Variants in PSD3 observed in about 807,000 individuals in gnomAD.
PSD3 encodes pleckstrin and Sec7 domain containing 3, also known as PH and SEC7 domain-containing protein 3.
PSD3 carries 49 observed loss-of-function variants against 105.5 expected under a neutral mutation model. That is an observed-to-expected ratio of 0.46 (90% CI 0.37 to 0.59). The LOEUF (loss-of-function observed/expected upper bound fraction) is 0.59. Ranked by LOEUF, PSD3 falls within the 20% of genes least tolerant of loss-of-function variation. The pLI, the probability that PSD3 is intolerant of heterozygous loss-of-function variation, is 0.00. For missense variants in PSD3, 1,561 were observed against 1,263.8 expected, an observed-to-expected ratio of 1.24 and a Z score of -3.57; for synonymous variants, 557 against 457.8, an observed-to-expected ratio of 1.22 and a Z score of -2.77.
At chr8:18,582,266 C>A (rs905106408) in intron 12 of PSD3, among the ~76,000 whole-genome samples, 1 of 152,210 alleles carries the variant, frequency 6.6e-6, no homozygotes, top group Admixed American at 6.5e-5. Flanking sequence ...ACGCTCACCA[C>A]TGCACTGAAA....
chr8:18,974,229 A>C, intron 1 of PSD3, among the ~76,000 whole-genome samples: 1 of 152,282 alleles, frequency 6.6e-6, no homozygotes, highest in East Asian at 1.9e-4. Context: ...ATAAAGAAAA[A>C]GGCTCAAAAA....
At chr8:18,683,220 A>C (rs1043718507) in intron 9 of PSD3, among the ~76,000 whole-genome samples, 1 of 152,220 alleles carries the variant, frequency 6.6e-6, no homozygotes, top group Non-Finnish European at 1.5e-5. Context: ...TGTGTAAGGA[A>C]CATGAAAGAA....
intron 8 of PSD3, among the ~76,000 whole-genome samples, chr8:18,784,569 T>C (rs1315986154): frequency 6.6e-6 from 1 of 152,212 alleles, no homozygotes; most frequent in East Asian, 1.9e-4. Context: ...CAGTTATACT[T>C]CTGACCAATC....
chr8:19,082,092 C>T (rs2129478385), intron 1 of PSD3, among the ~76,000 whole-genome samples: 1 of 152,332 alleles, frequency 6.6e-6, no homozygotes, highest in South Asian at 2.1e-4. Flanking sequence ...CTCACACACT[C>T]ATCTTTCAAG....
At chr8:18,633,288 T>G (rs750487398) in intron 10 of PSD3, among the ~76,000 whole-genome samples, 2 of 152,032 alleles carry the variant, frequency 1.3e-5, no homozygotes, top group Non-Finnish European at 2.9e-5. Flanking sequence ...CAATGGACAA[T>G]AGTAAACAAT....
intron 4 of PSD3, chr8:18,854,465 T>C (rs1036013700): frequency 1.3e-5 from 2 of 152,226 alleles, no homozygotes; most frequent in Admixed American, 1.3e-4. Flanking sequence ...GATGGCAAGC[T>C]GACAGCAGTC....
rs190831918 is a variant in PSD3 at position 18,672,999 on chromosome 8, T to A, written c.2173-17314A>T. Among the ~76,000 whole-genome samples the A allele has an allele frequency of 3.2e-3, 485 of 152,330 alleles. 3 individuals are homozygous for A. The highest frequency in any genetic ancestry group is 0.01 in the African/African-American group (424 of 41,574). On this transcript the variant is annotated intron_variant, in intron 9 of 15. Transcript: ENST00000327040. Reference sequence around the variant, plus strand: ...AAAAAAAATTTCTCAAGGCAATATATGTATATCATTTATATAATCAAAAAT... The same window carrying A: ...AAAAAAAATTTCTCAAGGCAATATAAGTATATCATTTATATAATCAAAAAT...
intron 1 of PSD3, among the ~76,000 whole-genome samples, chr8:18,974,916 A>T (rs1364966141): frequency 6.6e-6 from 1 of 152,204 alleles, no homozygotes; most frequent in East Asian, 1.9e-4. Context: ...GGAAAAAAAA[A>T]TACAAAATCT....
At chr8:18,633,464 T>G (rs987216824) in intron 10 of PSD3, among the ~76,000 whole-genome samples, 1 of 152,118 alleles carries the variant, frequency 6.6e-6, no homozygotes, top group African/African-American at 2.4e-5. Context: ...TTTATGTCCA[T>G]GTGTACCCAA....
chr8:19,063,550 A>G (rs1828972475), intron 1 of PSD3, among the ~76,000 whole-genome samples: 1 of 152,166 alleles, frequency 6.6e-6, no homozygotes, highest in African/African-American at 2.4e-5. Flanking sequence ...TGAGACAGGT[A>G]TTACCATCCC....
chr8:19,003,586 C>T (rs372898773), intron 1 of PSD3, among the ~76,000 whole-genome samples: 2 of 151,892 alleles, frequency 1.3e-5, no homozygotes, highest in African/African-American at 2.4e-5. Context: ...TGGGAGGCCT[C>T]CAGAGATTCA....
intron 1 of PSD3, among the ~76,000 whole-genome samples, chr8:18,992,738 C>G (rs1029162325): frequency 6.6e-6 from 1 of 152,106 alleles, no homozygotes; most frequent in African/African-American, 2.4e-5. Flanking sequence ...ACATTAGAAA[C>G]CATAATTTTT....
At chr8:18,791,791 C>T (rs1809742592) in intron 8 of PSD3, among the ~76,000 whole-genome samples, 1 of 152,114 alleles carries the variant, frequency 6.6e-6, no homozygotes, top group African/African-American at 2.4e-5. Context: ...CAACAGACAA[C>T]CTACAGAATG....
At chr8:18,771,736 G>A (rs916640716) in intron 8 of PSD3, among the ~76,000 whole-genome samples, 8 of 152,148 alleles carry the variant, frequency 5.3e-5, no homozygotes, top group African/African-American at 1.9e-4. Flanking sequence ...CTTGATTACT[G>A]AAGCTTTGCA....
chr8:18,977,325 G>C (rs760593775), intron 1 of PSD3, among the ~76,000 whole-genome samples: 5 of 150,808 alleles, frequency 3.3e-5, no homozygotes, highest in Non-Finnish European at 5.9e-5. Flanking sequence ...CCTACTAGCT[G>C]TATGGCTTTG....
At chr8:19,081,704 T>G (rs1829651476) in intron 1 of PSD3, among the ~76,000 whole-genome samples, 1 of 152,156 alleles carries the variant, frequency 6.6e-6, no homozygotes, top group African/African-American at 2.4e-5. Flanking sequence ...CTTATAATAC[T>G]TGGAAAGATG....
At chr8:18,818,234 C>T (rs1251964161) in intron 4 of PSD3, among the ~76,000 whole-genome samples, 6 of 152,172 alleles carry the variant, frequency 3.9e-5, no homozygotes, top group South Asian at 2.1e-4. Flanking sequence ...GGATTACAGA[C>T]GTGAGCCACC....
At chr8:18,815,394 C>T (rs1363704099) in intron 4 of PSD3, among the ~76,000 whole-genome samples, 3 of 152,062 alleles carry the variant, frequency 2.0e-5, no homozygotes, top group Non-Finnish European at 4.4e-5. Flanking sequence ...CTGCAATCTC[C>T]ACCTCCAGGG....
At chr8:18,981,213 T>C (rs1413064535) in intron 1 of PSD3, among the ~76,000 whole-genome samples, 1 of 152,154 alleles carries the variant, frequency 6.6e-6, no homozygotes, top group South Asian at 2.1e-4. Context: ...TAAATATTTG[T>C]TGAATGAACA....
Sources: gnomAD v4.1 joint callset for allele counts (sites outside exome capture counted in the v4.1 genomes callset) on GRCh38, gnomAD v4.1.1 for gene constraint, MANE v1.5 for transcripts, NCBI Gene and HGNC (gene_info 2026-07-23, HGNC 2026-07-21) for gene names.